The following SBNO2 variants were observed in gnomAD, a reference collection of about 807,000 sequenced individuals.
The protein encoded by SBNO2 is strawberry notch homolog 2, also known as protein strawberry notch homolog 2.
A neutral mutation model predicts 146.3 loss-of-function variants in SBNO2; 89 were observed. The ratio of observed to expected loss-of-function variants is 0.61; its 90% CI spans 0.51 to 0.73. The LOEUF (loss-of-function observed/expected upper bound fraction) is 0.73, where lower values mean the gene tolerates loss of function less well. Among genes scored for constraint, SBNO2 ranks in the 30% least tolerant of loss-of-function variants. The probability of loss-of-function intolerance (pLI) is 0.00; values close to 1 mark genes in which losing one functional copy is unlikely to be tolerated. For synonymous variants in SBNO2, 1,147 were observed against 892.6 expected (o/e 1.29, Z -5.08); for missense variants, 2,092 against 2,003.7 (o/e 1.04, Z -0.84).
chr19:1,134,176 TCACAGCTCACGGGTGGACTCA>T (rs2080063688), intron 4 of SBNO2, among the ~76,000 whole-genome samples: 1 of 118,142 alleles, frequency 8.5e-6, no homozygotes. Flanking sequence ...ACGGGTGGAC[TCACAGCTCACGGGTGGACTCA>T]CAGCTCACAG....
At chr19:1,117,811 A>G (rs1373757187) in intron 14 of SBNO2, among the ~76,000 whole-genome samples, 4 of 152,352 alleles carry the variant, frequency 2.6e-5, no homozygotes, top group Non-Finnish European at 5.9e-5. Flanking sequence ...GCTTTGGACC[A>G]GGGTCTCACC....
In SBNO2 at chr19:1,108,914, G is replaced by A. The variant is rs1034077379; in HGVS notation, c.3481C>T (p.Leu1161=). The A allele has an allele frequency of 3.2e-6, 5 of 1,577,590 alleles. No homozygotes were observed. The highest frequency in any genetic ancestry group is 4.3e-6 in the Non-Finnish European group (5 of 1,169,636). ...EGKDCLQGLR[L]RHHYMLCGAL... ...CCGCACAGCATGTAGTGGTGCCGCA[G>A]CCGCAGCCCCTGCAGGCAGTCCTTA... The change falls in exon 31 of 32, where the codon CTG becomes TTG. Residue 1161 remains leucine (L), a synonymous_variant. Transcript: ENST00000361757.
intron 11 of SBNO2, among the ~76,000 whole-genome samples, chr19:1,121,364 G>A (rs1219750024): frequency 2.0e-5 from 3 of 152,196 alleles, no homozygotes; most frequent in Non-Finnish European, 2.9e-5. Context: ...TTGTTCAGCC[G>A]GGTGCGAAGA....
At position 1,110,665 on chromosome 19, in the gene SBNO2, G is replaced by T. The variant is rs561988187; in HGVS notation, c.3028+80C>A. The T allele has an allele frequency of 3.4e-6, 5 of 1,466,732 alleles. No individual in the cohort carries two copies. Among genetic ancestry groups the T allele is most frequent in the East Asian group, 2.6e-5 (1 of 39,026 alleles). 90.9% of individuals were successfully genotyped at this position (1,466,732 alleles called of 1,614,324 possible). On this transcript the variant is annotated intron_variant, in intron 26 of 31. Coordinates refer to ENST00000361757, the MANE Select transcript of SBNO2 (RefSeq NM_014963.3). The surrounding 1 kb of genome is among the most constrained non-coding windows in gnomAD (Gnocchi z 4.9). ...GATGCCCGGTGTTCCCACGAGCCCC[G>T]AGCCCACCCAGGATGCATGGCGTTC...
Position 1,157,340 on chromosome 19 carries a change from G to C in SBNO2, c.-126-2938C>G, listed in dbSNP as rs570585554. Among the ~76,000 whole-genome samples the C allele has an allele frequency of 6.6e-6, 1 of 151,134 alleles. No individual in the cohort carries two copies. Among genetic ancestry groups the C allele is most frequent in the African/African-American group, 2.5e-5 (1 of 40,580 alleles). On this transcript the variant is annotated intron_variant, in intron 1 of 31. Transcript: ENST00000361757. This position sits in a 1 kb window ranked among gnomAD's most constrained non-coding sequence, Gnocchi z 6.8. Reference sequence around the variant, plus strand: ...AACGCAGCCTCTGCCACGCAGCCCCGGAGACGCTCTCCCCACGCGGCCCCG... The same window carrying C: ...AACGCAGCCTCTGCCACGCAGCCCCCGAGACGCTCTCCCCACGCGGCCCCG...
intron 2 of SBNO2, among the ~76,000 whole-genome samples, chr19:1,153,015 C>A (rs1039521412): frequency 6.6e-6 from 1 of 151,708 alleles, no homozygotes; most frequent in Non-Finnish European, 1.5e-5. Flanking sequence ...ATCTGCCGGG[C>A]ATGGTGGCGC....
intron 2 of SBNO2, among the ~76,000 whole-genome samples, chr19:1,151,820 G>A (rs1263704844): frequency 1.3e-5 from 2 of 152,126 alleles, no homozygotes; most frequent in Non-Finnish European, 2.9e-5. Flanking sequence ...CCGCCACCAC[G>A]CCCAGCTAAC....
In SBNO2 at chr19:1,173,179, C is replaced by T. The variant is rs2080498136; in HGVS notation, c.-127+993G>A. 6.6e-6 allele frequency among the ~76,000 whole-genome samples: 1 copy of T among 152,102 alleles called. No homozygotes were observed. Among genetic ancestry groups the T allele is most frequent in the South Asian group, 2.1e-4 (1 of 4,830 alleles). On this transcript the variant is annotated intron_variant, in intron 1 of 31. Transcript: ENST00000361757. The surrounding 1 kb of genome is among the most constrained non-coding windows in gnomAD (Gnocchi z 4.7). The stretch of plus-strand genomic sequence containing the variant: ...CCCTCCAGGCCCCACCTGCCTTATT[C>T]TTCGGGACTCTGGGGTGGTGGGAAG...
At chr19:1,154,521 T>C (rs2080271571) in intron 1 of SBNO2, 119 bp from the exon 2 acceptor site, 1 of 369,628 alleles carries the variant, frequency 2.7e-6, no homozygotes, top group Non-Finnish European at 4.8e-6. Context: ...TGCTACCTCC[T>C]GGGCCGGAAC....
At chr19:1,168,342 A>C (rs946576574) in intron 1 of SBNO2, among the ~76,000 whole-genome samples, 2 of 151,946 alleles carry the variant, frequency 1.3e-5, no homozygotes, top group South Asian at 4.1e-4. Context: ...GCCCAGCCAC[A>C]CCCGGGCAAC....
intron 1 of SBNO2, among the ~76,000 whole-genome samples, chr19:1,169,995 C>T (rs2080462191): frequency 6.6e-6 from 1 of 152,066 alleles, no homozygotes; most frequent in Non-Finnish European, 1.5e-5. Flanking sequence ...GCTCTGGACA[C>T]GTGACCACAC....
chr19:1,155,697 C>G (rs1483322257), intron 1 of SBNO2, among the ~76,000 whole-genome samples: 5 of 152,206 alleles, frequency 3.3e-5, no homozygotes, highest in African/African-American at 1.2e-4. Flanking sequence ...CTCTGGGAGA[C>G]AGGTTCTCTG....
chr19:1,172,607 C>T (rs1220909060), intron 1 of SBNO2, among the ~76,000 whole-genome samples: 1 of 152,230 alleles, frequency 6.6e-6, no homozygotes, highest in African/African-American at 2.4e-5. Flanking sequence ...GAAGCAGTGC[C>T]GGCTGCCCTG....
In SBNO2 at chr19:1,109,352, G is replaced by T. The variant is rs756764477; in HGVS notation, c.3288C>A (p.Pro1096=). Residue 1096 remains proline, a synonymous_variant, in exon 29 of 32, where the codon CCC becomes CCA. Transcript: ENST00000361757. The surrounding 1 kb of genome is among the most constrained non-coding windows in gnomAD (Gnocchi z 4.2). ...NRGQFFTVYK[P]NIGRQSQLEA... ...CCAGCTGGCTCTGCCGGCCGATGTT[G>T]GGCTTGTACACCGTGAAGAACTGGC... 88 of 1,592,848 alleles carry T rather than the reference G, an allele frequency of 5.5e-5. No individual in the cohort carries two copies. Among genetic ancestry groups the T allele is most frequent in the Middle Eastern group, 3.3e-4 (2 of 6,042 alleles).
intron 3 of SBNO2, among the ~76,000 whole-genome samples, chr19:1,149,129 T>TA (rs2080219535): frequency 7.2e-6 from 1 of 139,840 alleles, no homozygotes. Flanking sequence ...CCCCGCCCTC[T>TA]ACCAAGCTGG....
chr19:1,122,774 G>A lies in SBNO2; in HGVS notation c.798C>T (p.Leu266=), dbSNP rs1163546137. ...TYACQQHEVL[L]PSGQRAGFLI... is the part of the protein sequence containing the mutation. The stretch of plus-strand genomic sequence containing the variant: ...GAAAGCCCGCGCGCTGCCCGCTGGG[G>A]AGCAGGACCTCGTGTTGCTGTTGCC... Residue 266 remains leucine (L), a synonymous_variant, in exon 9 of 32, where the codon CTC becomes CTT. Transcript: ENST00000361757. 5 of 1,537,836 alleles carry A rather than the reference G, an allele frequency of 3.3e-6. No individual in the cohort carries two copies. Among genetic ancestry groups the A allele is most frequent in the East Asian group, 4.9e-5 (2 of 40,994 alleles).
rs530825265 is a variant in SBNO2, at chr19:1,117,495, G to A, written c.1532C>T (p.Ala511Val). The A allele has an allele frequency of 6.3e-7, 1 of 1,577,076 alleles. No homozygotes were observed. The highest frequency in any genetic ancestry group is 2.4e-5 in the East Asian group (1 of 42,406). The change falls in exon 15 of 32, where the codon GCC becomes GTC. Residue 511 changes from alanine (A) to valine (V), a missense_variant. Coordinates refer to ENST00000361757, the MANE Select transcript of SBNO2 (RefSeq NM_014963.3). ...CTGCTGGAACACGTTCAGGGCCTCGGCCCACTGCAATGACACGTCACAAGG... is the reference window on the plus strand; with the variant it reads ...CTGCTGGAACACGTTCAGGGCCTCGACCCACTGCAATGACACGTCACAAGG... ...CVYNRAALLWAEALNVFQQAA... is the reference protein window; with the variant it reads ...CVYNRAALLWVEALNVFQQAA...
intron 23 of SBNO2, 69 bp downstream of exon 23, chr19:1,111,927 C>A (rs2079766415): frequency 7.3e-7 from 1 of 1,371,216 alleles, no homozygotes. Context: ...CTCCCCCAGG[C>A]TCTTAGATCC....
chr19:1,114,090 T>C, intron 18 of SBNO2, 141 bp downstream of exon 18: 1 of 744,490 alleles, frequency 1.3e-6, no homozygotes, highest in Non-Finnish European at 2.1e-6. Context: ...TGGGCTGGAC[T>C]GAGGGCTACA....
Sources: gnomAD v4.1 joint callset for allele counts (sites outside exome capture counted in the v4.1 genomes callset) on GRCh38, gnomAD v4.1.1 for gene constraint, Gnocchi (gnomAD v3.1) non-coding constraint, MANE v1.5 for transcripts, NCBI Gene and HGNC (gene_info 2026-07-23, HGNC 2026-07-21) for gene names.